The following COA1 variants were observed in gnomAD, a reference collection of about 807,000 sequenced individuals.
COA1 encodes the protein cytochrome c oxidase assembly factor 1, also known as cytochrome c oxidase assembly factor 1 homolog.
Under a neutral mutation model 16.0 loss-of-function variants are expected in COA1, and 13 were observed. The observed-to-expected ratio is 0.81, with a 90% CI of 0.53 to 1.29. The LOEUF (loss-of-function observed/expected upper bound fraction) is 1.29. Among genes scored for constraint, COA1 ranks in the 50% most tolerant of loss-of-function variants. The pLI is 0.00. For synonymous variants in COA1, 65 were observed against 65.7 expected (o/e 0.99, Z 0.05); for missense variants, 179 against 177.0 (o/e 1.01, Z -0.06).
chr7:43,705,347 C>T (rs568823632), intron 1 of COA1, among the ~76,000 whole-genome samples: 1 of 152,338 alleles, frequency 6.6e-6, no homozygotes, highest in Admixed American at 6.5e-5. Flanking sequence ...CAGGTGGGCA[C>T]GTGCCAGCAG....
At chr7:43,632,897 G>T (rs998731328) in intron 6 of COA1, 2 of 152,058 alleles carry the variant, frequency 1.3e-5, no homozygotes, top group Non-Finnish European at 2.9e-5. Context: ...CTCAACAGTG[G>T]GCTTACTCAG....
In COA1 at chr7:43,623,977, C is replaced by T. The variant is rs961583570; in HGVS notation, c.*134-14482G>A. Reference sequence around the variant, plus strand: ...AAACTGACAGTTTTTTCTTGAATCTCCTCCAACCAAAAATAGTTCAACTTC... The same window carrying T: ...AAACTGACAGTTTTTTCTTGAATCTTCTCCAACCAAAAATAGTTCAACTTC... On this transcript the variant is annotated intron_variant and NMD_transcript_variant, in intron 6 of 6. Transcript: ENST00000415076. 5 of 927,426 alleles carry T rather than the reference C, an allele frequency of 5.4e-6. No individual in the cohort carries two copies. The African/African-American group carries it at 6.9e-5, about 13-fold the overall frequency. The allele number at this position is 927,426 out of a possible 1,614,324, so 57.4% of individuals were successfully genotyped here.
At chr7:43,613,011 T>C (rs930042864) in intron 6 of COA1, among the ~76,000 whole-genome samples, 1 of 152,146 alleles carries the variant, frequency 6.6e-6, no homozygotes, top group South Asian at 2.1e-4. Context: ...CCAAACAGTC[T>C]CAATAATTTG....
At chr7:43,675,997 A>G (rs926921067) in intron 1 of COA1, among the ~76,000 whole-genome samples, 8 of 152,208 alleles carry the variant, frequency 5.3e-5, no homozygotes, top group Non-Finnish European at 1.2e-4. Context: ...CCCATCGGTG[A>G]TAACTGCTTC....
At chr7:43,643,031 G>C (rs1188637207) in intron 4 of COA1, among the ~76,000 whole-genome samples, 2 of 152,224 alleles carry the variant, frequency 1.3e-5, no homozygotes, top group African/African-American at 4.8e-5. Context: ...TGATGCAGCA[G>C]ACTCTGAACT....
intron 6 of COA1, among the ~76,000 whole-genome samples, chr7:43,618,286 C>A (rs1249136824): frequency 6.6e-6 from 1 of 152,118 alleles, no homozygotes; most frequent in Admixed American, 6.6e-5. Context: ...TTTATTGAGA[C>A]CCATCATGCA....
chr7:43,645,418 CTT>C lies in COA1; in HGVS notation c.116-21_116-20del. 2 of 1,612,424 alleles carry C rather than the reference CTT, an allele frequency of 1.2e-6. No individual in the cohort carries two copies. The highest frequency in any genetic ancestry group is 1.7e-6 in the Non-Finnish European group (2 of 1,178,666). On this transcript the variant is annotated intron_variant, in intron 3 of 5. Transcript: ENST00000223336. ...TGAAACTCTAAGGACGAAAGACACACTTATTTTCTTTATTGAACTTGGTCAGG... is the reference window on the plus strand; with the variant it reads ...TGAAACTCTAAGGACGAAAGACACACATTTTCTTTATTGAACTTGGTCAGG...
At chr7:43,616,378 A>G (rs1290140926) in intron 6 of COA1, among the ~76,000 whole-genome samples, 1 of 152,142 alleles carries the variant, frequency 6.6e-6, no homozygotes, top group African/African-American at 2.4e-5. Flanking sequence ...ACACCCTGTT[A>G]ATTTTTTTAT....
chr7:43,619,996 G>A (rs1229610583), intron 6 of COA1, among the ~76,000 whole-genome samples: 2 of 152,230 alleles, frequency 1.3e-5, no homozygotes, highest in Non-Finnish European at 2.9e-5. Flanking sequence ...TCTTAACAAA[G>A]TAGGATATTA....
chr7:43,676,988 T>C (rs1055673242), intron 1 of COA1, among the ~76,000 whole-genome samples: 4 of 152,228 alleles, frequency 2.6e-5, no homozygotes, highest in Admixed American at 6.5e-5. Context: ...TTTATGATAC[T>C]ATGGTTGTCC....
Position 43,647,548 on chromosome 7 carries a change from A to G in COA1, c.102T>C (p.Tyr34=). 6.2e-7 allele frequency: 1 copy of G among 1,613,572 alleles called. No individual in the cohort carries two copies. The highest frequency in any genetic ancestry group is 8.5e-7 in the Non-Finnish European group (1 of 1,179,394). Residue 34 remains tyrosine, a synonymous_variant, in exon 3 of 6, where the codon TAT becomes TAC. Transcript: ENST00000223336. ...VFYAGGFAIV[Y]YLIQKFHSRA... ...CAGGATACTTACTTTGAATGAGGTA[A>G]TACACAATGGCAAAGCCCCCGGCAT...
chr7:43,667,494 T>C (rs186691632), intron 1 of COA1, among the ~76,000 whole-genome samples: 10 of 152,336 alleles, frequency 6.6e-5, no homozygotes, highest in Admixed American at 3.9e-4. Context: ...GGTAAAGTTA[T>C]TGTAAACCAC....
chr7:43,670,232 T>TCC (rs1563320736), intron 1 of COA1, among the ~76,000 whole-genome samples: 1 of 152,130 alleles, frequency 6.6e-6, no homozygotes, highest in East Asian at 1.9e-4. Context: ...AAGGATCACT[T>TCC]GAGATCAGGA....
intron 6 of COA1, chr7:43,624,374 T>G: frequency 1.3e-6 from 1 of 786,242 alleles, no homozygotes; most frequent in Non-Finnish European, 1.9e-6. Flanking sequence ...ATTCCAAGAC[T>G]AATAGTTTTA....
intron 1 of COA1, among the ~76,000 whole-genome samples, chr7:43,728,897 T>C (rs1362880166): frequency 6.6e-6 from 1 of 152,194 alleles, no homozygotes; most frequent in African/African-American, 2.4e-5. Flanking sequence ...TACAGACTGA[T>C]AGGCACTGAT....
At chr7:43,646,490 C>T (rs2089330553) in intron 3 of COA1, 13 of 452,094 alleles carry the variant, frequency 2.9e-5, no homozygotes, top group South Asian at 1.7e-4. Flanking sequence ...CCCCATAAGG[C>T]CACATAGCTG....
At chr7:43,725,469 T>C (rs1200028354) in intron 1 of COA1, among the ~76,000 whole-genome samples, 3 of 152,158 alleles carry the variant, frequency 2.0e-5, no homozygotes, top group Non-Finnish European at 4.4e-5. Flanking sequence ...GAATGAAATC[T>C]TGGCCATTAT....
chr7:43,711,971 C>T (rs1282364968), intron 1 of COA1, among the ~76,000 whole-genome samples: 1 of 152,160 alleles, frequency 6.6e-6, no homozygotes, highest in Non-Finnish European at 1.5e-5. Flanking sequence ...TCCACTACCC[C>T]TATTAAAACA....
downstream of COA1, chr7:43,638,776 C>G (rs2086372218): frequency 6.6e-6 from 1 of 152,132 alleles, no homozygotes; most frequent in South Asian, 2.1e-4. Context: ...GAGGTTTCAC[C>G]ATGTTGGCCA....
Sources: gnomAD v4.1 joint callset for allele counts (sites outside exome capture counted in the v4.1 genomes callset) on GRCh38, gnomAD v4.1.1 for gene constraint, MANE v1.5 for transcripts, NCBI Gene and HGNC (gene_info 2026-07-23, HGNC 2026-07-21) for gene names.